The following SFSWAP variants were observed in gnomAD, a reference collection of about 807,000 sequenced individuals.
The protein encoded by SFSWAP is splicing factor SWAP.
Under a neutral mutation model 100.7 loss-of-function variants are expected in SFSWAP, and 17 were observed. The observed-to-expected ratio is 0.17, with a 90% CI of 0.12 to 0.25. The LOEUF (loss-of-function observed/expected upper bound fraction) is 0.25, where lower values mean the gene tolerates loss of function less well. Ranked by LOEUF, SFSWAP falls within the 10% of genes least tolerant of loss-of-function variation. The probability of loss-of-function intolerance (pLI) is 1.00; values close to 1 mark genes in which losing one functional copy is unlikely to be tolerated. For missense variants in SFSWAP, 1,005 were observed against 1,262.6 expected (o/e 0.80, Z 3.09); for synonymous variants, 504 against 510.1 (o/e 0.99, Z 0.16).
chr12:131,755,245 T>G, intron 9 of SFSWAP, 141 bp from the exon 10 acceptor site: 1 of 635,240 alleles, frequency 1.6e-6, no homozygotes, highest in Non-Finnish European at 2.8e-6. Flanking sequence ...GCAGTCTCCC[T>G]CGTCTATAAG....
intron 13 of SFSWAP, among the ~76,000 whole-genome samples, chr12:131,772,898 A>G (rs1486876519): frequency 6.6e-6 from 1 of 152,154 alleles, no homozygotes. Flanking sequence ...TCTCAGCAGA[A>G]AGGGAAGCTG....
rs1205339737 is a variant in SFSWAP at position 131,715,507 on chromosome 12, CAT to C, written c.520+555_520+556del. 2.6e-5 allele frequency among the ~76,000 whole-genome samples: 4 copies of C among 152,340 alleles called. No individual in the cohort carries two copies. The East Asian group carries it at 7.7e-4, about 29-fold the overall frequency. ...TGGAATTTATGCTTTTCTGGATTAA[CAT>C]GGGAAACTTTGAATATAAAAAATAG... On this transcript the variant is annotated intron_variant, in intron 3 of 17. Transcript: ENST00000261674.
intron 7 of SFSWAP, among the ~76,000 whole-genome samples, chr12:131,731,316 A>G (rs9788206): frequency 0.99 from 151,047 of 152,336 alleles, 74,899 homozygotes; most frequent in Middle Eastern, 1. Flanking sequence ...ACTCACACGC[A>G]CCTCCCTGCC....
At chr12:131,763,037 T>C (rs1186441028) in intron 11 of SFSWAP, among the ~76,000 whole-genome samples, 1 of 152,242 alleles carries the variant, frequency 6.6e-6, no homozygotes, top group East Asian at 1.9e-4. Flanking sequence ...TGTTATAAAA[T>C]ACTGCTGTCC....
chr12:131,738,036 C>T (rs979026157), intron 7 of SFSWAP, among the ~76,000 whole-genome samples: 3 of 151,862 alleles, frequency 2.0e-5, no homozygotes, highest in Non-Finnish European at 4.4e-5. Flanking sequence ...AAATGCTGCC[C>T]ACTGTGATAG....
At position 131,781,528 on chromosome 12, in the gene SFSWAP, C is replaced by T. The variant is rs1022493456; in HGVS notation, c.2408+3198C>T. 7.2e-5 allele frequency among the ~76,000 whole-genome samples: 11 copies of T among 152,222 alleles called. No homozygotes were observed. The South Asian group carries it at 1.0e-3, about 14-fold the overall frequency. ...CTGGGATTACAGGCGTGAGCCACCG[C>T]GCCCGGCCTATATTATTTTTATATA... On this transcript the variant is annotated intron_variant, in intron 14 of 17. Transcript: ENST00000261674.
intron 16 of SFSWAP, among the ~76,000 whole-genome samples, chr12:131,798,309 A>G (rs1719202483): frequency 6.6e-6 from 1 of 152,096 alleles, no homozygotes; most frequent in African/African-American, 2.4e-5. Context: ...GTTTCTGAAA[A>G]TGTAATAATG....
At chr12:131,770,646 G>A (rs1883512265) in intron 13 of SFSWAP, among the ~76,000 whole-genome samples, 1 of 152,034 alleles carries the variant, frequency 6.6e-6, no homozygotes, top group Admixed American at 6.6e-5. Context: ...TGTGGAAATG[G>A]CACTTTTTAA....
chr12:131,778,011 A>G lies in SFSWAP; in HGVS notation c.2143-54A>G, dbSNP rs1455286538. The G allele has an allele frequency of 6.4e-7, 1 of 1,567,738 alleles. No homozygotes were observed. Reference sequence around the variant, plus strand: ...CAAAGTTGAAATTTTATAGATATACATCTTCAATGTTCTGTTTTCCCTGTT... The same window carrying G: ...CAAAGTTGAAATTTTATAGATATACGTCTTCAATGTTCTGTTTTCCCTGTT... On this transcript the variant is annotated intron_variant, in intron 13 of 17. Coordinates refer to ENST00000261674, the MANE Select transcript of SFSWAP (RefSeq NM_004592.4). The surrounding 1 kb of genome is among the most constrained non-coding windows in gnomAD (Gnocchi z 4.2).
intron 11 of SFSWAP, chr12:131,757,893 T>A (rs1051817084): frequency 5.3e-5 from 8 of 152,254 alleles, no homozygotes; most frequent in Admixed American, 1.3e-4. Context: ...AAATGGTTAC[T>A]GCTCTAGAAA....
intron 10 of SFSWAP, 72 bp from the exon 11 acceptor site, chr12:131,756,401 T>C: frequency 1.5e-6 from 2 of 1,329,258 alleles, no homozygotes; most frequent in Non-Finnish European, 2.1e-6. Flanking sequence ...ACATATACCG[T>C]ATACATCTCT....
intron 11 of SFSWAP, among the ~76,000 whole-genome samples, chr12:131,759,527 C>T (rs757390991): frequency 1.3e-5 from 2 of 152,064 alleles, no homozygotes; most frequent in Admixed American, 6.5e-5. Flanking sequence ...AGGCCGGGCG[C>T]GGTGGCTCAC....
chr12:131,799,276 C>T (rs982441239), intron 17 of SFSWAP, 147 bp from the exon 18 acceptor site: 31 of 1,025,410 alleles, frequency 3.0e-5, no homozygotes, highest in East Asian at 1.5e-4. Flanking sequence ...CCGTGTGGCC[C>T]GCACCCTGCA....
rs1438429110 is a variant in SFSWAP at position 131,759,751 on chromosome 12, G to A, written c.1720+3107G>A. On this transcript the variant is annotated intron_variant, in intron 11 of 17. Coordinates refer to ENST00000261674, the MANE Select transcript of SFSWAP (RefSeq NM_004592.4). ...CGGGAGGCGGAGCTTGCAGTGAACC[G>A]AGACTGCGCCACTGTACTCCAGCCT... Among the ~76,000 whole-genome samples, 4 of 151,480 alleles carry A rather than the reference G, an allele frequency of 2.6e-5. No homozygotes were observed. In the South Asian group the frequency reaches 6.3e-4, roughly 24 times the overall value.
Position 131,756,578 on chromosome 12 carries a change from G to A in SFSWAP, c.1654G>A (p.Ala552Thr), listed in dbSNP as rs777327510. ...PEDAAEVGAR[A>T]GSGGKKEASS... Reference sequence around the variant, plus strand: ...AGACGCAGCCGAGGTGGGAGCACGGGCAGGCTCAGGCGGGAAGAAGGAGGC... The same window carrying A: ...AGACGCAGCCGAGGTGGGAGCACGGACAGGCTCAGGCGGGAAGAAGGAGGC... The change falls in exon 11 of 18, where the codon GCA (alanine) becomes ACA (threonine). Residue 552 changes from alanine to threonine, a missense_variant. Physicochemically the swap from Ala to Thr is moderately conservative, Grantham distance 58. This residue lies in a region of SFSWAP where 311 missense variants were observed against 317.8 expected (regional missense o/e 0.98). Transcript: ENST00000261674. The A allele has an allele frequency of 2.5e-6, 4 of 1,613,494 alleles. No individual in the cohort carries two copies. In the South Asian group the frequency reaches 3.3e-5, roughly 13 times the overall value.
At position 131,740,180 on chromosome 12, in the gene SFSWAP, G is replaced by A. The variant is rs533058075; in HGVS notation, c.1081+11752G>A. Among the ~76,000 whole-genome samples, 12 of 152,264 alleles carry A rather than the reference G, an allele frequency of 7.9e-5. No homozygotes were observed. In the South Asian group the frequency reaches 2.5e-3, roughly 32 times the overall value. ...GACTACCTATTTGGGTTTGTTCATT[G>A]GTTGGTTTGCTTTCATTGCTCCTAT... On this transcript the variant is annotated intron_variant, in intron 7 of 17. Transcript: ENST00000261674.
intron 7 of SFSWAP, among the ~76,000 whole-genome samples, chr12:131,746,082 C>T (rs11246793): frequency 0.15 from 22,679 of 152,210 alleles, 2,337 homozygotes; most frequent in East Asian, 0.52. Flanking sequence ...CATGTACATG[C>T]GTAGTATTAC....
chr12:131,714,605 A>C lies in SFSWAP; in HGVS notation c.389-217A>C. ...TTTTCTCAGCAGGAAGAAATTTTCC[A>C]CAAAAGACGTGTATTCAGCTGTCTG... On this transcript the variant is annotated intron_variant, in intron 2 of 17. Coordinates refer to ENST00000261674, the MANE Select transcript of SFSWAP (RefSeq NM_004592.4). The surrounding 1 kb of genome is among the most constrained non-coding windows in gnomAD (Gnocchi z 6.0). 1.8e-6 allele frequency: 1 copy of C among 545,616 alleles called. No homozygotes were observed. Among genetic ancestry groups the C allele is most frequent in the Non-Finnish European group, 3.2e-6 (1 of 311,388 alleles). The allele number at this position is 545,616 out of a possible 1,614,324, so 33.8% of individuals were successfully genotyped here. A position where few individuals can be genotyped will look rare whatever the true frequency, so the allele number is the denominator to read the frequency against.
intron 7 of SFSWAP, among the ~76,000 whole-genome samples, chr12:131,741,408 G>A (rs1209649612): frequency 2.6e-5 from 4 of 152,074 alleles, no homozygotes; most frequent in Non-Finnish European, 5.9e-5. Flanking sequence ...GGCCAAGGTG[G>A]GTGGATCTCT....
Sources: allele counts gnomAD v4.1 joint callset (sites outside exome capture counted in the v4.1 genomes callset), GRCh38; gene constraint gnomAD v4.1.1; regional missense constraint gnomAD v4.1.1; non-coding constraint Gnocchi (gnomAD v3.1); transcripts MANE v1.5; gene names NCBI Gene and HGNC (gene_info 2026-07-23, HGNC 2026-07-21).